Variants in TJP3 observed in about 807,000 individuals in gnomAD.
The protein encoded by TJP3 is tight junction protein 3.
TJP3 carries 85 observed loss-of-function variants against 104.2 expected under a neutral mutation model. The ratio of observed to expected loss-of-function variants is 0.82; its 90% confidence interval spans 0.68 to 0.98. The LOEUF is 0.98. Among genes scored for constraint, TJP3 ranks in the 50% least tolerant of loss-of-function variants. The pLI, the probability that TJP3 is intolerant of heterozygous loss-of-function variation, is 0.00. For missense variants in TJP3, 1,367 were observed against 1,322.8 expected (o/e 1.03, Z -0.52); for synonymous variants, 550 against 550.6 (o/e 1.00, Z 0.02).
chr19:3,709,802 T>C (rs1240786540), intron 1 of TJP3, among the ~76,000 whole-genome samples: 1 of 152,086 alleles, frequency 6.6e-6, no homozygotes, highest in East Asian at 1.9e-4. Flanking sequence ...CTCAGTTAGA[T>C]CTGGCTTCCA....
intron 8 of TJP3, among the ~76,000 whole-genome samples, chr19:3,735,196 T>G (rs764100742): frequency 6.6e-6 from 1 of 151,902 alleles, no homozygotes; most frequent in Non-Finnish European, 1.5e-5. Flanking sequence ...TTATTTTGTT[T>G]ATTTATTTAT....
chr19:3,747,646 T>C, intron 18 of TJP3, 148 bp from the exon 19 acceptor site: 1 of 984,614 alleles, frequency 1.0e-6, no homozygotes, highest in Non-Finnish European at 1.5e-6. Flanking sequence ...CAACCCATCC[T>C]GGAGTCAACA....
At chr19:3,744,920 CCT>C (rs900167601) in intron 15 of TJP3, among the ~76,000 whole-genome samples, 4 of 151,742 alleles carry the variant, frequency 2.6e-5, no homozygotes, top group Non-Finnish European at 5.9e-5. Flanking sequence ...AGAGGGAGAC[CCT>C]GTCTCGAAAT....
In TJP3 at chr19:3,738,608, G is replaced by GC; in HGVS notation, c.1339dup (p.Leu447ProfsTer30). 6.2e-7 allele frequency: 1 copy of GC among 1,613,978 alleles called. No homozygotes were observed. Among genetic ancestry groups the GC allele is most frequent in the South Asian group, 1.1e-5 (1 of 91,082 alleles). On this transcript the variant is annotated frameshift_variant, in exon 12 of 21. Coordinates refer to ENST00000541714, the MANE Select transcript of TJP3 (RefSeq NM_001267560.2). LOFTEE classifies it high-confidence loss of function. ...CACGGGAGGAGGCAGTGCAGTTCCT[G>GC]CTGGGGCTGCCACCAGGCGAGGAGA...
At chr19:3,714,479 G>A (rs887632944) in intron 1 of TJP3, among the ~76,000 whole-genome samples, 8 of 150,548 alleles carry the variant, frequency 5.3e-5, no homozygotes, top group Non-Finnish European at 7.4e-5. Context: ...CGCCCAGCCC[G>A]TTCTTTTAGT....
At chr19:3,718,377 C>G (rs889429113) in intron 1 of TJP3, among the ~76,000 whole-genome samples, 5 of 150,260 alleles carry the variant, frequency 3.3e-5, no homozygotes, top group Non-Finnish European at 7.4e-5. Flanking sequence ...GCCACTGTTC[C>G]TGGCCAAGCC....
chr19:3,744,115 A>G, intron 15 of TJP3, 81 bp downstream of exon 15: 1 of 1,322,306 alleles, frequency 7.6e-7, no homozygotes, highest in Non-Finnish European at 1.1e-6. Context: ...GGGGAGAGTT[A>G]GAATAATGAT....
intron 18 of TJP3, among the ~76,000 whole-genome samples, chr19:3,747,263 G>C (rs2036910969): frequency 6.6e-6 from 1 of 152,118 alleles, no homozygotes; most frequent in Non-Finnish European, 1.5e-5. Context: ...GTTTCACCAT[G>C]TTGGCCAGGC....
chr19:3,746,597 C>A lies in TJP3; in HGVS notation c.2123C>A (p.Ala708Glu). ...CCCGAGAGCCGGCCGGCCCTCAAGG[C>A]ACTGCGCCAGTGGCTGGCGCCTGCC... The part of the protein sequence containing the change: ...FIPESRPALK[A>E]LRQWLAPASR... The change falls in exon 17 of 21, where the codon GCA becomes GAA. Residue 708 changes from alanine (A) to glutamate (E), a missense_variant. Physicochemically the swap from Ala to Glu is moderately radical, Grantham distance 107. Transcript: ENST00000541714. This position sits in a 1 kb window ranked among gnomAD's most constrained non-coding sequence, Gnocchi z 4.1. The A allele has an allele frequency of 1.9e-6, 3 of 1,613,720 alleles. No homozygotes were observed. The highest frequency in any genetic ancestry group is 1.7e-5 in the Admixed American group (1 of 60,004).
At position 3,746,563 on chromosome 19, in the gene TJP3, T is replaced by G; in HGVS notation, c.2089T>G (p.Phe697Val). Reference sequence around the variant, plus strand: ...TGTGCAGTACTACCCCATTGTGGTCTTCTTCATCCCCGAGAGCCGGCCGGC... The same window carrying G: ...TGTGCAGTACTACCCCATTGTGGTCGTCTTCATCCCCGAGAGCCGGCCGGC... ...NYVQYYPIVV[F>V]FIPESRPALK... is the part of the protein sequence containing the mutation. Residue 697 changes from phenylalanine to valine, a missense_variant, in exon 17 of 21, where the codon TTC becomes GTC. Transcript: ENST00000541714. This position sits in a 1 kb window ranked among gnomAD's most constrained non-coding sequence, Gnocchi z 4.1. 6.2e-7 allele frequency: 1 copy of G among 1,614,048 alleles called. No homozygotes were observed. The highest frequency in any genetic ancestry group is 1.1e-5 in the South Asian group (1 of 91,076).
At position 3,734,383 on chromosome 19, in the gene TJP3, C is replaced by A. The variant is rs1369093182; in HGVS notation, c.934C>A (p.Pro312Thr). Reference protein sequence around the residue: ...SQAPPSHIPPPPRHAQRSPEA... With the variant: ...SQAPPSHIPPTPRHAQRSPEA... ...GGCACCACCATCCCACATCCCACCA[C>A]CACCCCGGCATGCTCAGCGGAGCCC... Residue 312 changes from proline to threonine, a missense_variant, in exon 8 of 21, where the codon CCA becomes ACA. Transcript: ENST00000541714. 1.2e-6 allele frequency: 2 copies of A among 1,613,384 alleles called. No homozygotes were observed. The highest frequency in any genetic ancestry group is 8.5e-7 in the Non-Finnish European group (1 of 1,180,014).
At chr19:3,715,003 T>C (rs924625967) in intron 1 of TJP3, among the ~76,000 whole-genome samples, 7 of 151,560 alleles carry the variant, frequency 4.6e-5, no homozygotes, top group Admixed American at 3.3e-4. Context: ...AGATTTTCTC[T>C]TTTTTTCCTT....
Position 3,740,608 on chromosome 19 carries a change from G to C in TJP3, c.1688G>C (p.Gly563Ala). Residue 563 changes from glycine (G) to alanine (A), a missense_variant, in exon 14 of 21, where the codon GGC becomes GCC. Physicochemically the swap from Gly to Ala is moderately conservative, Grantham distance 60. Transcript: ENST00000541714. The stretch of plus-strand genomic sequence containing the variant: ...CAGAGGGCCGTGGGAGTCGGGCCCG[G>C]CTCCTCCGCGGGCTCCAATGCTCGG... The part of the protein sequence containing the change: ...AAQRAVGVGP[G>A]SSAGSNARAE... The C allele has an allele frequency of 1.3e-6, 2 of 1,564,156 alleles. No homozygotes were observed. Among genetic ancestry groups the C allele is most frequent in the Non-Finnish European group, 1.7e-6 (2 of 1,157,174 alleles).
At chr19:3,744,128 C>A in intron 15 of TJP3, 94 bp downstream of exon 15, 4 of 1,177,030 alleles carry the variant, frequency 3.4e-6, no homozygotes, top group Non-Finnish European at 5.0e-6. Context: ...ATAATGATGG[C>A]AAACATGAAG....
chr19:3,727,293 C>G (rs1320358748), intron 1 of TJP3, among the ~76,000 whole-genome samples: 1 of 151,848 alleles, frequency 6.6e-6, no homozygotes, highest in African/African-American at 2.4e-5. Flanking sequence ...CCAGCCTGGC[C>G]AACATAGTGA....
chr19:3,750,651 C>T lies in TJP3; in HGVS notation c.2727C>T (p.Asp909=), dbSNP rs555219346. Reference sequence around the variant, plus strand: ...ATGATGCGGAGTCCTCCGATGAAGACGGCTATGACTGGGGTCCGGCCACTG... The same window carrying T: ...ATGATGCGGAGTCCTCCGATGAAGATGGCTATGACTGGGGTCCGGCCACTG... ...RVHDAESSDE[D]GYDWGPATDL Residue 909 remains aspartate, a synonymous_variant, in exon 21 of 21, where the codon GAC becomes GAT. Transcript: ENST00000541714. 2.2e-5 allele frequency: 36 copies of T among 1,606,696 alleles called. No homozygotes were observed. The highest frequency in any genetic ancestry group is 1.7e-4 in the Middle Eastern group (1 of 6,052).
intron 1 of TJP3, chr19:3,721,500 C>G (rs557618542): frequency 6.1e-6 from 1 of 163,776 alleles, no homozygotes; most frequent in African/African-American, 2.4e-5. Context: ...TAGTAGGCTC[C>G]GTTCCAAGCG....
intron 1 of TJP3, among the ~76,000 whole-genome samples, chr19:3,725,754 G>A (rs2036590083): frequency 6.6e-6 from 1 of 150,642 alleles, no homozygotes; most frequent in African/African-American, 2.4e-5. Flanking sequence ...ACCTCCCCAA[G>A]GCTCCTTCTG....
Position 3,711,059 on chromosome 19 carries a change from A to G in TJP3, c.-10+2498A>G, listed in dbSNP as rs1285700718. ...GCTGGGACTACAGGCGCCCGCCACC[A>G]CACCCGGCTAATTTTTTGTATTTTT... On this transcript the variant is annotated intron_variant, in intron 1 of 20. Transcript: ENST00000541714. Among the ~76,000 whole-genome samples, 2 of 79,328 alleles carry G rather than the reference A, an allele frequency of 2.5e-5. 1 individual carries two copies. The highest frequency in any genetic ancestry group is 8.7e-5 in the African/African-American group (2 of 23,030). The allele number at this position is 79,328 out of a possible 152,430, so 52.0% of individuals were successfully genotyped here. A position where few individuals can be genotyped will look rare whatever the true frequency, so the allele number is the denominator to read the frequency against.
Sources: allele counts gnomAD v4.1 joint callset (sites outside exome capture counted in the v4.1 genomes callset), GRCh38; gene constraint gnomAD v4.1.1; non-coding constraint Gnocchi (gnomAD v3.1); transcripts MANE v1.5; gene names NCBI Gene and HGNC (gene_info 2026-07-23, HGNC 2026-07-21).